CSPP1: variants seen among roughly 807,000 people sequenced by gnomAD.
The protein encoded by CSPP1 is centrosome and spindle pole-associated protein 1.
Under a neutral mutation model 164.4 loss-of-function variants are expected in CSPP1, and 126 were observed. That is an observed-to-expected ratio of 0.77 (90% CI 0.66 to 0.89). The LOEUF is 0.89. Among genes scored for constraint, CSPP1 ranks in the 40% least tolerant of loss-of-function variants. The pLI is 0.00. For synonymous variants in CSPP1, 472 were observed against 476.7 expected (o/e 0.99, Z 0.13); for missense variants, 1,395 against 1,449.8 (o/e 0.96, Z 0.61).
intron 30 of CSPP1, among the ~76,000 whole-genome samples, chr8:67,194,595 A>G (rs1837355183): frequency 6.6e-6 from 1 of 152,130 alleles, no homozygotes; most frequent in South Asian, 2.1e-4. Flanking sequence ...TTTAATGTCT[A>G]CACTGTTTTT....
At position 67,092,665 on chromosome 8, in the gene CSPP1, G is replaced by A. The variant is rs1010079988; in HGVS notation, c.384+782G>A. Among the ~76,000 whole-genome samples the A allele has an allele frequency of 5.3e-5, 8 of 151,974 alleles. No homozygotes were observed. The South Asian group carries it at 8.3e-4, about 16-fold the overall frequency. On this transcript the variant is annotated intron_variant, in intron 5 of 30. Coordinates refer to ENST00000678616, the MANE Select transcript of CSPP1 (RefSeq NM_001382391.1). ...TCACAATGTAGGCCAGGCTGGTCTC[G>A]AGCTCCTGACCTCGTGATCCACCCG...
At chr8:67,191,931 A>G (rs1836365894) in intron 29 of CSPP1, among the ~76,000 whole-genome samples, 1 of 152,086 alleles carries the variant, frequency 6.6e-6, no homozygotes, top group African/African-American at 2.4e-5. Flanking sequence ...GATTTTAGCC[A>G]TCTATTGAGT....
At chr8:67,157,024 A>G (rs1436653294) in intron 19 of CSPP1, among the ~76,000 whole-genome samples, 1 of 152,036 alleles carries the variant, frequency 6.6e-6, no homozygotes, top group Non-Finnish European at 1.5e-5. Context: ...AAAAATTGGT[A>G]TTCTTTGATT....
chr8:67,184,050 A>G (rs1337401254), intron 28 of CSPP1, among the ~76,000 whole-genome samples: 1 of 151,962 alleles, frequency 6.6e-6, no homozygotes, highest in African/African-American at 2.4e-5. Flanking sequence ...ACGGGGTTTC[A>G]CCGTGTTGGC....
At chr8:67,148,059 CAG>C (rs1824970288) in intron 17 of CSPP1, among the ~76,000 whole-genome samples, 1 of 151,762 alleles carries the variant, frequency 6.6e-6, no homozygotes, top group African/African-American at 2.4e-5. Context: ...GCTGGGACTA[CAG>C]GTACATGCCA....
intron 17 of CSPP1, 49 bp from the exon 18 acceptor site, chr8:67,149,734 A>G (rs767672231): frequency 2.2e-5 from 29 of 1,314,276 alleles, no homozygotes; most frequent in Non-Finnish European, 2.8e-5. Context: ...TTGCATGCCA[A>G]TTACAGAAAT....
rs1313956705 is a variant in CSPP1, at chr8:67,074,359, T to G, written c.99+8T>G. On this transcript the variant is annotated splice_region_variant and intron_variant, in intron 2 of 30. Transcript: ENST00000678616. Reference sequence around the variant, plus strand: ...CCTTACATGGAAATGAAGGTAAATTTAATAATTTTCTTTGAACATGTTTTA... The same window carrying G: ...CCTTACATGGAAATGAAGGTAAATTGAATAATTTTCTTTGAACATGTTTTA... 6.5e-7 allele frequency: 1 copy of G among 1,535,346 alleles called. No homozygotes were observed. Among genetic ancestry groups the G allele is most frequent in the East Asian group, 2.3e-5 (1 of 43,748 alleles).
intron 5 of CSPP1, among the ~76,000 whole-genome samples, chr8:67,092,728 C>T (rs1418019935): frequency 6.6e-6 from 1 of 152,136 alleles, no homozygotes; most frequent in Non-Finnish European, 1.5e-5. Context: ...CAGGCGTGAG[C>T]CACCGCTCCC....
intron 28 of CSPP1, 32 bp downstream of exon 28, chr8:67,179,958 G>T: frequency 8.1e-7 from 1 of 1,238,484 alleles, no homozygotes; most frequent in Non-Finnish European, 1.2e-6. Context: ...AGGCTATATT[G>T]TTTAAATATT....
Position 67,137,689 on chromosome 8 carries a change from A to G in CSPP1, c.1975+86A>G, listed in dbSNP as rs1822635926. The G allele has an allele frequency of 7.5e-6, 6 of 800,770 alleles. No homozygotes were observed. The Admixed American group carries it at 2.1e-4, about 28-fold the overall frequency. 49.6% of individuals were successfully genotyped at this position (800,770 alleles called of 1,614,324 possible). A position where few individuals can be genotyped will look rare whatever the true frequency, so the allele number is the denominator to read the frequency against. On this transcript the variant is annotated intron_variant, in intron 17 of 30. Transcript: ENST00000678616. ...GATTGGGGAGTAGAAAAAAGTAGGA[A>G]TCATAGCCTCTATAGCAACGCATGT... is the stretch of plus-strand genomic sequence containing the variant.
At chr8:67,151,151 C>T (rs1332587783) in intron 18 of CSPP1, among the ~76,000 whole-genome samples, 4 of 152,122 alleles carry the variant, frequency 2.6e-5, no homozygotes, top group African/African-American at 9.7e-5. Flanking sequence ...GATTATTTAC[C>T]GTTTTCATGG....
At chr8:67,105,838 G>T in intron 8 of CSPP1, 67 bp from the exon 9 acceptor site, 2 of 853,382 alleles carry the variant, frequency 2.3e-6, no homozygotes. Context: ...ATTTTACTCT[G>T]AAATTTTGCT....
At chr8:67,065,868 T>TG (rs1359066287) in intron 1 of CSPP1, among the ~76,000 whole-genome samples, 3 of 151,854 alleles carry the variant, frequency 2.0e-5, no homozygotes, top group African/African-American at 7.3e-5. Flanking sequence ...TGGGAGGGAG[T>TG]GGGTGAGTTT....
At chr8:67,120,860 C>CTT (rs943972260) in intron 15 of CSPP1, among the ~76,000 whole-genome samples, 2 of 145,194 alleles carry the variant, frequency 1.4e-5, no homozygotes, top group African/African-American at 2.5e-5. Flanking sequence ...TTCTTTCTTT[C>CTT]TTTTTTTTTT....
At chr8:67,068,669 A>G (rs901752802) in intron 1 of CSPP1, among the ~76,000 whole-genome samples, 1 of 152,236 alleles carries the variant, frequency 6.6e-6, no homozygotes, top group African/African-American at 2.4e-5. Context: ...AGGAGTGAGA[A>G]AAAGAAAAGT....
chr8:67,064,544 G>C lies in CSPP1; in HGVS notation c.-11+6G>C, dbSNP rs531227068. 6.2e-7 allele frequency: 1 copy of C among 1,602,704 alleles called. No individual in the cohort carries two copies. Among genetic ancestry groups the C allele is most frequent in the East Asian group, 2.2e-5 (1 of 44,564 alleles). On this transcript the variant is annotated splice_donor_region_variant and intron_variant, in intron 1 of 30. Transcript: ENST00000678616. ...TGGGGAGCGTGAGTGGCGAGGTGTG[G>C]CCTGGGGTGGTGTAGGTTGAGGGTG...
At chr8:67,072,008 C>G (rs375220864) in intron 1 of CSPP1, among the ~76,000 whole-genome samples, 1 of 152,058 alleles carries the variant, frequency 6.6e-6, no homozygotes, top group African/African-American at 2.4e-5. Flanking sequence ...TTTAGCTGGG[C>G]GTGGTGGCTC....
rs566292670 is a variant in CSPP1, at chr8:67,168,032, C to T, written c.2828+3524C>T. The stretch of plus-strand genomic sequence containing the variant: ...ATTGAGCACTGAGTGAACGAGACTC[C>T]GTCTGCAATCCCGGCACCTCGGGAG... On this transcript the variant is annotated intron_variant, in intron 24 of 30. Transcript: ENST00000678616. 2.5e-4 allele frequency among the ~76,000 whole-genome samples: 38 copies of T among 152,344 alleles called. No homozygotes were observed. In the East Asian group the frequency reaches 2.9e-3, roughly 12 times the overall value.
Position 67,074,273 on chromosome 8 carries a change from A to G in CSPP1, c.21A>G (p.Glu7=). The G allele has an allele frequency of 6.2e-7, 1 of 1,611,258 alleles. No homozygotes were observed. The highest frequency in any genetic ancestry group is 8.5e-7 in the Non-Finnish European group (1 of 1,178,548). ...GCAAAATGGCTGATAATTTGGATGAATTTATTGAAGAGCAAAAAGCCAGAT... is the reference window on the plus strand; with the variant it reads ...GCAAAATGGCTGATAATTTGGATGAGTTTATTGAAGAGCAAAAAGCCAGAT... MADNLD[E]FIEEQKARLA... Residue 7 remains glutamate (E), a synonymous_variant, in exon 2 of 31, where the codon GAA becomes GAG. Transcript: ENST00000678616.
Sources: gnomAD v4.1 joint callset for allele counts (sites outside exome capture counted in the v4.1 genomes callset) on GRCh38, gnomAD v4.1.1 for gene constraint, MANE v1.5 for transcripts, NCBI Gene and HGNC (gene_info 2026-07-23, HGNC 2026-07-21) for gene names.